The following TMEM132D variants were observed in gnomAD, a reference collection of about 807,000 sequenced individuals.
TMEM132D encodes mature OL transmembrane protein.
In TMEM132D, 21 loss-of-function variants were observed where a neutral mutation model predicts 62.3. The observed-to-expected ratio is 0.34, with a 90% CI of 0.24 to 0.49. The LOEUF (loss-of-function observed/expected upper bound fraction) is 0.49. Among genes scored for constraint, TMEM132D ranks in the 20% least tolerant of loss-of-function variants. The pLI, the probability that TMEM132D is intolerant of heterozygous loss-of-function variation, is 0.99. For synonymous variants in TMEM132D, 621 were observed against 575.6 expected (o/e 1.08, Z -1.13); for missense variants, 1,346 against 1,402.8 (o/e 0.96, Z 0.65).
intron 3 of TMEM132D, among the ~76,000 whole-genome samples, chr12:129,477,444 G>A (rs935052014): frequency 6.6e-6 from 1 of 152,110 alleles, no homozygotes; most frequent in Non-Finnish European, 1.5e-5. Context: ...TGCTTTACTT[G>A]GTCTCCATGC....
In TMEM132D at chr12:129,073,692, T is replaced by C. The variant is rs749190657; in HGVS notation, c.*183A>G. 13 of 546,366 alleles carry C rather than the reference T, an allele frequency of 2.4e-5. No individual in the cohort carries two copies. The highest frequency in any genetic ancestry group is 3.8e-5 in the African/African-American group (2 of 52,814). The allele number at this position is 546,366 out of a possible 1,614,324, so 33.8% of individuals were successfully genotyped here. On this transcript the variant is annotated 3_prime_UTR_variant, in exon 9 of 9. Coordinates refer to ENST00000422113, the MANE Select transcript of TMEM132D (RefSeq NM_133448.3). Reference sequence around the variant, plus strand: ...TTAAGCAAGACACTGTACTCTGGAATGTGTGCGTCGATGCGGACTCCAGGC... The same window carrying C: ...TTAAGCAAGACACTGTACTCTGGAACGTGTGCGTCGATGCGGACTCCAGGC...
chr12:129,755,180 T>C (rs1870125148), intron 1 of TMEM132D, among the ~76,000 whole-genome samples: 1 of 152,198 alleles, frequency 6.6e-6, no homozygotes, highest in Non-Finnish European at 1.5e-5. Context: ...TTTGCCCAAA[T>C]GGACATTAAC....
At chr12:129,899,106 T>G (rs1754348702) in intron 1 of TMEM132D, among the ~76,000 whole-genome samples, 1 of 152,184 alleles carries the variant, frequency 6.6e-6, no homozygotes, top group African/African-American at 2.4e-5. Flanking sequence ...ATTTGTTGAA[T>G]GAATATGCAG....
intron 3 of TMEM132D, among the ~76,000 whole-genome samples, chr12:129,491,375 G>T (rs1874791278): frequency 1.3e-5 from 2 of 152,098 alleles, no homozygotes; most frequent in South Asian, 4.1e-4. Flanking sequence ...TTTTCTTTTC[G>T]TTGTGGCCCA....
At chr12:129,675,901 G>A (rs1312537685) in intron 2 of TMEM132D, among the ~76,000 whole-genome samples, 1 of 152,186 alleles carries the variant, frequency 6.6e-6, no homozygotes, top group Admixed American at 6.5e-5. Context: ...CCATGACCAT[G>A]AGTGAAAAAC....
intron 3 of TMEM132D, among the ~76,000 whole-genome samples, chr12:129,398,964 A>G (rs568483730): frequency 1.3e-5 from 2 of 152,142 alleles, no homozygotes; most frequent in East Asian, 1.9e-4. Flanking sequence ...TATTTGGCTC[A>G]TGGTTCCAGA....
At chr12:129,828,592 C>A in intron 1 of TMEM132D, among the ~76,000 whole-genome samples, 1 of 139,436 alleles carries the variant, frequency 7.2e-6, no homozygotes, top group African/African-American at 2.7e-5. Context: ...GTTGGCTACT[C>A]AAAAACATTT....
At position 129,078,526 on chromosome 12, in the gene TMEM132D, C is replaced by T. The variant is rs2135610908; in HGVS notation, c.2115+8G>A. ...CTGCTGAAGTGTGTCTCAAGCCCTC[C>T]TCCATACCTGTTTTGGCCTCTGCAG... On this transcript the variant is annotated splice_region_variant and intron_variant, in intron 8 of 8. Transcript: ENST00000422113. 6.2e-7 allele frequency: 1 copy of T among 1,612,046 alleles called. No individual in the cohort carries two copies. The highest frequency in any genetic ancestry group is 1.1e-5 in the South Asian group (1 of 90,912).
chr12:129,853,814 G>C (rs1030813531), intron 1 of TMEM132D: 3 of 152,070 alleles, frequency 2.0e-5, no homozygotes, highest in African/African-American at 7.2e-5. Context: ...TGTGTTCTAG[G>C]GGAGAGGGGA....
At chr12:129,497,793 G>A (rs1875005266) in intron 3 of TMEM132D, among the ~76,000 whole-genome samples, 1 of 152,044 alleles carries the variant, frequency 6.6e-6, no homozygotes, top group South Asian at 2.1e-4. Flanking sequence ...CCGAGTAGCT[G>A]GGACTACAGG....
In TMEM132D at chr12:129,578,955, G is replaced by A. The variant is rs558387593; in HGVS notation, c.969-47750C>T. 2.6e-5 allele frequency among the ~76,000 whole-genome samples: 4 copies of A among 152,214 alleles called. No individual in the cohort carries two copies. In the East Asian group the frequency reaches 7.7e-4, roughly 29 times the overall value. On this transcript the variant is annotated intron_variant, in intron 2 of 8. Transcript: ENST00000422113. ...CACACCTAGAAATAATATTTAACCA[G>A]CTATCTGGGCATCCCACAGTCCAGT...
At chr12:129,712,317 G>A (rs1470385545) in intron 1 of TMEM132D, among the ~76,000 whole-genome samples, 1 of 152,026 alleles carries the variant, frequency 6.6e-6, no homozygotes, top group Admixed American at 6.6e-5. Flanking sequence ...GTAGAAACGG[G>A]GTTTCACCAT....
At chr12:129,640,500 G>A (rs1022482231) in intron 2 of TMEM132D, among the ~76,000 whole-genome samples, 1 of 152,122 alleles carries the variant, frequency 6.6e-6, no homozygotes, top group Non-Finnish European at 1.5e-5. Flanking sequence ...TCTCCTGACC[G>A]TGCCACTTTG....
rs1384465316 is a variant in TMEM132D, at chr12:129,623,696, T to TATATATAC, written c.968+76106_968+76113dup. Among the ~76,000 whole-genome samples, 3 of 139,366 alleles carry TATATATAC rather than the reference T, an allele frequency of 2.2e-5. No individual in the cohort carries two copies. The East Asian group carries it at 6.0e-4, about 28-fold the overall frequency. The allele number at this position is 139,366 out of a possible 152,430, so 91.4% of individuals were successfully genotyped here. On this transcript the variant is annotated intron_variant, in intron 2 of 8. Transcript: ENST00000422113. ...ATACACATATATATACATATATACA[T>TATATATAC]ATATATACATACATATGCATATATA... is the stretch of plus-strand genomic sequence containing the variant.
intron 2 of TMEM132D, among the ~76,000 whole-genome samples, chr12:129,638,763 G>A (rs112390881): frequency 5.9e-5 from 9 of 151,974 alleles, no homozygotes; most frequent in African/African-American, 7.3e-5. Flanking sequence ...ACACAGGTGC[G>A]ATGTTTGTGA....
chr12:129,640,071 C>T (rs2137174134), intron 2 of TMEM132D, among the ~76,000 whole-genome samples: 2 of 152,228 alleles, frequency 1.3e-5, no homozygotes, highest in Middle Eastern at 6.8e-3. Flanking sequence ...CACACACACA[C>T]ACACACACGT....
chr12:129,830,167 C>T (rs540079064), intron 1 of TMEM132D, among the ~76,000 whole-genome samples: 5 of 152,106 alleles, frequency 3.3e-5, no homozygotes, highest in African/African-American at 7.2e-5. Flanking sequence ...ATTGAAGAAC[C>T]GTATACATAC....
At chr12:129,462,266 G>A (rs34614588) in intron 3 of TMEM132D, among the ~76,000 whole-genome samples, 2 of 151,982 alleles carry the variant, frequency 1.3e-5, no homozygotes, top group African/African-American at 4.8e-5. Context: ...GACGCACTTA[G>A]GAAGCACACT....
At chr12:129,689,432 C>A (rs1881009089) in intron 2 of TMEM132D, among the ~76,000 whole-genome samples, 1 of 143,176 alleles carries the variant, frequency 7.0e-6, no homozygotes, top group Non-Finnish European at 1.6e-5. Flanking sequence ...CTAGAATTGG[C>A]TTCCCTGCCT....
Sources: allele counts gnomAD v4.1 joint callset (sites outside exome capture counted in the v4.1 genomes callset), GRCh38; gene constraint gnomAD v4.1.1; transcripts MANE v1.5; gene names NCBI Gene and HGNC (gene_info 2026-07-23, HGNC 2026-07-21).